The following ANKS1A variants were observed in gnomAD, a reference collection of about 807,000 sequenced individuals.
ANKS1A encodes the protein ankyrin repeat and sterile alpha motif domain containing 1A.
ANKS1A carries 55 observed loss-of-function variants against 120.3 expected under a neutral mutation model. That is an observed-to-expected ratio of 0.46 (90% confidence interval 0.37 to 0.57). The LOEUF is 0.57. ANKS1A is among the 20% of genes least tolerant of loss of function. The probability of loss-of-function intolerance (pLI) is 0.00; values close to 1 mark genes in which losing one functional copy is unlikely to be tolerated. For missense variants in ANKS1A, 1,123 were observed against 1,480.3 expected (o/e 0.76, Z 3.96); for synonymous variants, 590 against 604.7 (o/e 0.98, Z 0.36).
At chr6:35,043,222 G>C (rs1775553833) in intron 11 of ANKS1A, among the ~76,000 whole-genome samples, 1 of 152,198 alleles carries the variant, frequency 6.6e-6, no homozygotes, top group Non-Finnish European at 1.5e-5. Flanking sequence ...CTGGAAATTT[G>C]ACTTGCGTGA....
At chr6:34,912,874 CA>C (rs1006290347) in intron 1 of ANKS1A, among the ~76,000 whole-genome samples, 1 of 152,152 alleles carries the variant, frequency 6.6e-6, no homozygotes, top group African/African-American at 2.4e-5. Context: ...TGGTTAGATG[CA>C]GAACATTTCT....
chr6:35,068,596 G>A (rs574945661), intron 13 of ANKS1A, among the ~76,000 whole-genome samples: 1 of 152,226 alleles, frequency 6.6e-6, no homozygotes, highest in East Asian at 1.9e-4. Context: ...GGTTCTCCCC[G>A]CCACATACCC....
Position 34,976,857 on chromosome 6 carries a change from C to T in ANKS1A, c.436-4833C>T, listed in dbSNP as rs528117496. Reference sequence around the variant, plus strand: ...GATATTAAGTCATGGACATTATGACCCTTTAATCCTAAACACTTCCATTTT... The same window carrying T: ...GATATTAAGTCATGGACATTATGACTCTTTAATCCTAAACACTTCCATTTT... On this transcript the variant is annotated intron_variant, in intron 3 of 23. Transcript: ENST00000360359. 1.3e-3 allele frequency among the ~76,000 whole-genome samples: 204 copies of T among 151,768 alleles called. 1 individual carries two copies. The highest frequency in any genetic ancestry group is 4.7e-3 in the African/African-American group (194 of 41,342).
intron 11 of ANKS1A, among the ~76,000 whole-genome samples, chr6:35,042,518 A>G (rs556058737): frequency 1.3e-5 from 2 of 152,368 alleles, no homozygotes; most frequent in African/African-American, 4.8e-5. Flanking sequence ...TGAGAAATAC[A>G]AAAGAAGCTG....
At chr6:34,975,199 A>G (rs1482257382) in intron 3 of ANKS1A, among the ~76,000 whole-genome samples, 1 of 152,100 alleles carries the variant, frequency 6.6e-6, no homozygotes, top group Non-Finnish European at 1.5e-5. Flanking sequence ...TACAGGCATA[A>G]TCCCAGCACT....
At chr6:35,038,192 G>A in intron 11 of ANKS1A, 1 of 456,622 alleles carries the variant, frequency 2.2e-6, no homozygotes, top group Non-Finnish European at 4.4e-6. Context: ...ATTTTCTCTA[G>A]GCTAAGAGAA....
intron 1 of ANKS1A, among the ~76,000 whole-genome samples, chr6:34,919,343 T>G (rs1406282902): frequency 6.6e-6 from 1 of 152,210 alleles, no homozygotes; most frequent in African/African-American, 2.4e-5. Flanking sequence ...AGTCCAAACT[T>G]ACTGTGTCTT....
At chr6:34,997,529 A>G (rs1175181320) in intron 10 of ANKS1A, among the ~76,000 whole-genome samples, 3 of 152,166 alleles carry the variant, frequency 2.0e-5, no homozygotes, top group Admixed American at 6.5e-5. Flanking sequence ...ACATTTAGAA[A>G]AGGTGAAGTA....
At chr6:34,916,112 C>T (rs1041534639) in intron 1 of ANKS1A, among the ~76,000 whole-genome samples, 3 of 151,504 alleles carry the variant, frequency 2.0e-5, no homozygotes, top group Non-Finnish European at 4.4e-5. Context: ...TCTGTCTCAG[C>T]CTCCCGAGTA....
At chr6:35,083,105 T>C in intron 18 of ANKS1A, 50 bp from the exon 19 acceptor site, 1 of 1,608,004 alleles carries the variant, frequency 6.2e-7, no homozygotes, top group Non-Finnish European at 8.5e-7. Flanking sequence ...GGGTCACCCC[T>C]GCATGGAAAC....
In ANKS1A at chr6:35,091,185, T is replaced by TTTTG. The variant is rs1778288513; in HGVS notation, c.*2580_*2583dup. On this transcript the variant is annotated 3_prime_UTR_variant, in exon 24 of 24. Transcript: ENST00000360359. The stretch of plus-strand genomic sequence containing the variant: ...ATTTTGATACTTGAATGACTTTCCC[T>TTTTG]TTTGTTTTACTGTATATAAAATTGT... 2 of 985,908 alleles carry TTTTG rather than the reference T, an allele frequency of 2.0e-6. No individual in the cohort carries two copies. The highest frequency in any genetic ancestry group is 2.4e-6 in the Non-Finnish European group (2 of 829,934). 61.1% of individuals were successfully genotyped at this position (985,908 alleles called of 1,614,324 possible).
chr6:34,989,074 A>C (rs894799896), intron 8 of ANKS1A, 150 bp from the exon 9 acceptor site: 1 of 598,104 alleles, frequency 1.7e-6, no homozygotes, highest in Non-Finnish European at 2.9e-6. Flanking sequence ...AGAGTTCTCC[A>C]TCTGTTCAGA....
chr6:34,900,998 T>C (rs955543430), intron 1 of ANKS1A, among the ~76,000 whole-genome samples: 1 of 152,174 alleles, frequency 6.6e-6, no homozygotes, highest in Non-Finnish European at 1.5e-5. Context: ...AAAATTCTCA[T>C]CTCATGTAGG....
At chr6:34,932,021 G>A (rs1410814650) in intron 1 of ANKS1A, among the ~76,000 whole-genome samples, 1 of 152,224 alleles carries the variant, frequency 6.6e-6, no homozygotes, top group African/African-American at 2.4e-5. Flanking sequence ...TGAGGCCAGT[G>A]GCCAATGGCC....
chr6:34,889,616 G>T lies in ANKS1A; in HGVS notation c.197+17G>T. 7.8e-7 allele frequency: 1 copy of T among 1,283,498 alleles called. No homozygotes were observed. The highest frequency in any genetic ancestry group is 3.1e-4 in the Middle Eastern group (1 of 3,224). 79.5% of individuals were successfully genotyped at this position (1,283,498 alleles called of 1,614,324 possible). A position where few individuals can be genotyped will look rare whatever the true frequency, so the allele number is the denominator to read the frequency against. ...TCTGCTCAGGTGGGTACGCGCCAGG[G>T]CCGGGCCGCTGCCTGCAGACCCTTT... On this transcript the variant is annotated intron_variant, in intron 1 of 23. Transcript: ENST00000360359. The surrounding 1 kb of genome is among the most constrained non-coding windows in gnomAD (Gnocchi z 5.5).
At chr6:35,097,508 C>CAAAA in the ANKS1A span, among the ~76,000 whole-genome samples, 1 of 139,596 alleles carries the variant, frequency 7.2e-6, no homozygotes. Context: ...GACTCCGTCT[C>CAAAA]AAAAAAAAAA....
chr6:34,918,664 A>G (rs1398228972), intron 1 of ANKS1A, among the ~76,000 whole-genome samples: 1 of 152,132 alleles, frequency 6.6e-6, no homozygotes, highest in Admixed American at 6.5e-5. Flanking sequence ...CTCCTTAAGG[A>G]TGGCTACTAA....
chr6:34,903,474 A>G (rs1581669218), intron 1 of ANKS1A, among the ~76,000 whole-genome samples: 1 of 151,422 alleles, frequency 6.6e-6, no homozygotes, highest in Middle Eastern at 3.4e-3. Flanking sequence ...ACAGGCATGC[A>G]CCACCAAGTT....
chr6:35,011,763 C>T (rs952687896), intron 10 of ANKS1A, among the ~76,000 whole-genome samples: 2 of 152,162 alleles, frequency 1.3e-5, no homozygotes, highest in African/African-American at 4.8e-5. Flanking sequence ...CCTCTCTGTG[C>T]AGTGTTAGCA....
Sources: allele counts gnomAD v4.1 joint callset (sites outside exome capture counted in the v4.1 genomes callset), GRCh38; gene constraint gnomAD v4.1.1; non-coding constraint Gnocchi (gnomAD v3.1); transcripts MANE v1.5; gene names NCBI Gene and HGNC (gene_info 2026-07-23, HGNC 2026-07-21).